GLRB: variants seen among roughly 807,000 people sequenced by gnomAD.
GLRB encodes the protein glycine receptor subunit beta.
GLRB carries 33 observed loss-of-function variants against 54.2 expected under a neutral mutation model. The ratio of observed to expected loss-of-function variants is 0.61; its 90% CI spans 0.46 to 0.81. The LOEUF is 0.81. Among genes scored for constraint, GLRB ranks in the 40% least tolerant of loss-of-function variants. The pLI, the probability that GLRB is intolerant of heterozygous loss-of-function variation, is 0.00. For missense variants in GLRB, 572 were observed against 584.6 expected (o/e 0.98, Z 0.22); for synonymous variants, 209 against 208.2 (o/e 1.00, Z -0.03).
At chr4:157,132,115 T>C (rs2126556547) in intron 4 of GLRB, among the ~76,000 whole-genome samples, 1 of 152,008 alleles carries the variant, frequency 6.6e-6, no homozygotes, top group East Asian at 1.9e-4. Flanking sequence ...TGTGTAGTGG[T>C]ATCTGATTGT....
rs770188716 is a variant in GLRB, at chr4:157,152,908, C to T, written c.1095C>T (p.Ala365=). Residue 365 remains alanine (A), a synonymous_variant, in exon 9 of 10, where the codon GCC becomes GCT. Transcript: ENST00000264428. ...CCAAAAGGGTTGAAGCTGAAAAAGCCAGAATTGCTAAGGCTGAGCAAGCAG... is the reference window on the plus strand; with the variant it reads ...CCAAAAGGGTTGAAGCTGAAAAAGCTAGAATTGCTAAGGCTGAGCAAGCAG... The part of the protein sequence containing the change: ...NNPKRVEAEK[A]RIAKAEQADG... 6.2e-7 allele frequency: 1 copy of T among 1,613,958 alleles called. No homozygotes were observed. Among genetic ancestry groups the T allele is most frequent in the Non-Finnish European group, 8.5e-7 (1 of 1,179,912 alleles).
intron 7 of GLRB, among the ~76,000 whole-genome samples, chr4:157,140,532 T>C (rs1436513000): frequency 1.3e-5 from 2 of 152,002 alleles, no homozygotes; most frequent in African/African-American, 4.8e-5. Context: ...GATCTCTCGC[T>C]ATACTAGGCA....
At chr4:157,128,104 A>G (rs1428225488) in intron 4 of GLRB, among the ~76,000 whole-genome samples, 3 of 151,886 alleles carry the variant, frequency 2.0e-5, no homozygotes, top group African/African-American at 7.2e-5. Flanking sequence ...ATGCCAGACT[A>G]ATCAGTTGTA....
intron 2 of GLRB, among the ~76,000 whole-genome samples, chr4:157,088,796 GCT>G (rs1310197090): frequency 6.6e-6 from 1 of 151,760 alleles, no homozygotes. Flanking sequence ...CGTTTCTTTG[GCT>G]CTTTTTTTCC....
Position 157,153,007 on chromosome 4 carries a change from G to T in GLRB, c.1194G>T (p.Leu398Phe), listed in dbSNP as rs1579244595. ...GGACTCCTGTTCATATTAGCACTTT[G>T]CAGGTAAGGATAAAATTATGCCATG... ...GTGTPVHIST[L>F]QVGETRCKKV... Residue 398 changes from leucine (L) to phenylalanine (F), a missense_variant, in exon 9 of 10, where the codon TTG becomes TTT. Leu to Phe is a conservative substitution (Grantham distance 22). Coordinates refer to ENST00000264428, the MANE Select transcript of GLRB (RefSeq NM_000824.5). 1.9e-6 allele frequency: 3 copies of T among 1,612,142 alleles called. No homozygotes were observed. Among genetic ancestry groups the T allele is most frequent in the Non-Finnish European group, 2.5e-6 (3 of 1,178,306 alleles).
intron 2 of GLRB, among the ~76,000 whole-genome samples, chr4:157,114,937 G>A (rs11100095): frequency 0.14 from 21,572 of 151,478 alleles, 1,710 homozygotes; most frequent in East Asian, 0.28. Flanking sequence ...TACTCTTTCC[G>A]CACCCCCCTT....
At chr4:157,107,920 G>A (rs1735282736) in intron 2 of GLRB, among the ~76,000 whole-genome samples, 1 of 152,050 alleles carries the variant, frequency 6.6e-6, no homozygotes, top group Non-Finnish European at 1.5e-5. Context: ...TGAAGTTGAA[G>A]TCAATGCCCA....
intron 8 of GLRB, among the ~76,000 whole-genome samples, chr4:157,144,750 G>T (rs575997706): frequency 6.6e-6 from 1 of 152,212 alleles, no homozygotes; most frequent in East Asian, 1.9e-4. Flanking sequence ...GTATGTAGTT[G>T]CTACATTTAA....
chr4:157,122,675 C>G (rs373283329), intron 4 of GLRB, among the ~76,000 whole-genome samples: 1 of 151,638 alleles, frequency 6.6e-6, no homozygotes, highest in Non-Finnish European at 1.5e-5. Flanking sequence ...CTGGAGAAAG[C>G]GCTTATGCCA....
intron 4 of GLRB, among the ~76,000 whole-genome samples, chr4:157,132,396 T>C (rs939565547): frequency 1.3e-5 from 2 of 151,886 alleles, no homozygotes; most frequent in African/African-American, 2.4e-5. Flanking sequence ...ATTCTTATTA[T>C]GATTGATTAT....
chr4:157,136,928 T>G, intron 6 of GLRB, 42 bp downstream of exon 6: 1 of 1,206,764 alleles, frequency 8.3e-7, no homozygotes. Flanking sequence ...AATAAAGTGT[T>G]TAAAATGTCT....
intron 4 of GLRB, among the ~76,000 whole-genome samples, chr4:157,135,871 A>G (rs1736379422): frequency 6.6e-6 from 1 of 152,092 alleles, no homozygotes; most frequent in South Asian, 2.1e-4. Context: ...AAATGCTTGA[A>G]ACTAATGTGT....
intron 2 of GLRB, among the ~76,000 whole-genome samples, chr4:157,081,404 A>G (rs1734218518): frequency 6.6e-6 from 1 of 152,094 alleles, no homozygotes; most frequent in African/African-American, 2.4e-5. Context: ...CACCATTTCA[A>G]CTTGACCGTC....
chr4:157,138,955 TA>T lies in GLRB; in HGVS notation c.751+8del. Reference sequence around the variant, plus strand: ...AAAATACTATAAAGGCACGGGTAAGTAATATTCTTTAAATAAAACGAAGTTC... The same window carrying T: ...AAAATACTATAAAGGCACGGGTAAGTATATTCTTTAAATAAAACGAAGTTC... On this transcript the variant is annotated splice_region_variant and intron_variant, in intron 7 of 9. Coordinates refer to ENST00000264428, the MANE Select transcript of GLRB (RefSeq NM_000824.5). 1 of 1,306,798 alleles carries T rather than the reference TA, an allele frequency of 7.7e-7. No homozygotes were observed. The allele number at this position is 1,306,798 out of a possible 1,614,324, so 81.0% of individuals were successfully genotyped here.
chr4:157,150,847 G>T (rs17035790), intron 8 of GLRB, among the ~76,000 whole-genome samples: 12,576 of 151,600 alleles, frequency 0.083, 1,721 homozygotes, highest in African/African-American at 0.29. Flanking sequence ...CTATCATAAC[G>T]TAGGCCTTCA....
rs199840817 is a variant in GLRB at position 157,143,893 on chromosome 4, A to G, written c.838A>G (p.Ile280Val). ...GGGGGTCTACGCCCCAACTCTGCTC[A>G]TTGTTGTTCTCTCCTGGCTTTCCTT... ...MMGVYAPTLLIVVLSWLSFWI... is the reference protein window; with the variant it reads ...MMGVYAPTLLVVVLSWLSFWI... Residue 280 changes from isoleucine (I) to valine (V), a missense_variant, in exon 8 of 10, where the codon ATT becomes GTT. Ile to Val is a conservative substitution (Grantham distance 29). Transcript: ENST00000264428. 106 of 1,613,854 alleles carry G rather than the reference A, an allele frequency of 6.6e-5. No individual in the cohort carries two copies. Among genetic ancestry groups the G allele is most frequent in the Admixed American group, 8.3e-5 (5 of 60,000 alleles).
chr4:157,129,952 C>T (rs1194634756), intron 4 of GLRB, among the ~76,000 whole-genome samples: 2 of 150,834 alleles, frequency 1.3e-5, no homozygotes, highest in Non-Finnish European at 3.0e-5. Flanking sequence ...TTTTTTGAAG[C>T]AAAAAAGCAT....
At chr4:157,093,022 A>G (rs1287180809) in intron 2 of GLRB, among the ~76,000 whole-genome samples, 3 of 152,250 alleles carry the variant, frequency 2.0e-5, no homozygotes, top group East Asian at 3.9e-4. Flanking sequence ...TCTTGCCACT[A>G]TATTTATGTT....
intron 4 of GLRB, among the ~76,000 whole-genome samples, chr4:157,123,523 A>C (rs1735907727): frequency 6.6e-6 from 1 of 151,640 alleles, no homozygotes; most frequent in Non-Finnish European, 1.5e-5. Context: ...ATTACTTAAA[A>C]GATTTGGGGA....
Sources: allele counts gnomAD v4.1 joint callset (sites outside exome capture counted in the v4.1 genomes callset), GRCh38; gene constraint gnomAD v4.1.1; transcripts MANE v1.5; gene names NCBI Gene and HGNC (gene_info 2026-07-23, HGNC 2026-07-21).